RIMBP2: variants seen among roughly 807,000 people sequenced by gnomAD.
RIMBP2 encodes the protein RIMS binding protein 2, also known as RIMS-binding protein 2.
In RIMBP2, 48 loss-of-function variants were observed where a neutral mutation model predicts 118.6. That is an observed-to-expected ratio of 0.40 (90% CI 0.32 to 0.51). The LOEUF is 0.51. RIMBP2 is among the 20% of genes least tolerant of loss of function. RIMBP2 has a pLI of 0.41. For missense variants in RIMBP2, 1,551 were observed against 1,768.3 expected (o/e 0.88, Z 2.20); for synonymous variants, 762 against 742.9 (o/e 1.03, Z -0.42).
chr12:130,676,868 G>T (rs1356021380), intron 1 of RIMBP2, among the ~76,000 whole-genome samples: 2 of 152,168 alleles, frequency 1.3e-5, no homozygotes, highest in African/African-American at 4.8e-5. Context: ...AGGGTGAGGG[G>T]AGGGAAAGCC....
At position 130,579,555 on chromosome 12, in the gene RIMBP2, C is replaced by G. The variant is rs1241782463; in HGVS notation, c.-217+48767G>C. Reference sequence around the variant, plus strand: ...TTGCTGGTTTGCTTGAATACTTTTGCCAGAGTAAAACCCTCATAGCTGTGA... The same window carrying G: ...TTGCTGGTTTGCTTGAATACTTTTGGCAGAGTAAAACCCTCATAGCTGTGA... On this transcript the variant is annotated intron_variant, in intron 2 of 22. Coordinates refer to ENST00000690449, the MANE Select transcript of RIMBP2 (RefSeq NM_001393629.1). 2.0e-5 allele frequency among the ~76,000 whole-genome samples: 3 copies of G among 152,084 alleles called. No homozygotes were observed. In the East Asian group the frequency reaches 5.8e-4, roughly 29 times the overall value.
chr12:130,520,921 G>A (rs2052036411), intron 2 of RIMBP2, among the ~76,000 whole-genome samples: 1 of 152,162 alleles, frequency 6.6e-6, no homozygotes, highest in African/African-American at 2.4e-5. Context: ...ATCCCACGTT[G>A]TCCATGCTTA....
At chr12:130,464,322 G>A (rs540358317) in intron 6 of RIMBP2, among the ~76,000 whole-genome samples, 1 of 152,318 alleles carries the variant, frequency 6.6e-6, no homozygotes, top group African/African-American at 2.4e-5. Flanking sequence ...GGAAAATTTG[G>A]AAACAAATTG....
chr12:130,497,794 C>A (rs2049332409), intron 4 of RIMBP2, among the ~76,000 whole-genome samples: 1 of 152,130 alleles, frequency 6.6e-6, no homozygotes, highest in East Asian at 1.9e-4. Flanking sequence ...TGACAGGCAC[C>A]CTGCTTCAGA....
intron 1 of RIMBP2, among the ~76,000 whole-genome samples, chr12:130,699,105 T>C (rs562468636): frequency 0.01 from 1,580 of 152,244 alleles, 38 homozygotes; most frequent in African/African-American, 0.036. Flanking sequence ...TGTGGAGAAA[T>C]AGGAACACTT....
At chr12:130,705,695 G>C (rs1456614757) in intron 1 of RIMBP2, among the ~76,000 whole-genome samples, 2 of 152,236 alleles carry the variant, frequency 1.3e-5, no homozygotes, top group African/African-American at 4.8e-5. Context: ...GGTATGGCAG[G>C]AGTGAACTGC....
intron 2 of RIMBP2, among the ~76,000 whole-genome samples, chr12:130,547,670 G>C (rs1415742042): frequency 6.6e-6 from 1 of 152,178 alleles, no homozygotes; most frequent in African/African-American, 2.4e-5. Context: ...GCCCCGAAAT[G>C]GGGAAGATCA....
At chr12:130,602,890 G>C (rs546454288) in intron 2 of RIMBP2, among the ~76,000 whole-genome samples, 4 of 152,156 alleles carry the variant, frequency 2.6e-5, no homozygotes, top group Admixed American at 6.5e-5. Flanking sequence ...AATTCACCCT[G>C]CAAGGGGTCT....
At chr12:130,477,682 C>A (rs993878725) in intron 5 of RIMBP2, among the ~76,000 whole-genome samples, 2 of 152,250 alleles carry the variant, frequency 1.3e-5, no homozygotes, top group African/African-American at 4.8e-5. Flanking sequence ...CTACCTGTTT[C>A]CACAAGCTCT....
At chr12:130,400,050 A>G (rs1593158019) in intron 21 of RIMBP2, among the ~76,000 whole-genome samples, 2 of 152,258 alleles carry the variant, frequency 1.3e-5, no homozygotes, top group East Asian at 1.9e-4. Flanking sequence ...GAGCTGAGGA[A>G]TCTGCCTTTT....
At chr12:130,627,157 A>G (rs1486291416) in intron 2 of RIMBP2, among the ~76,000 whole-genome samples, 1 of 152,168 alleles carries the variant, frequency 6.6e-6, no homozygotes, top group African/African-American at 2.4e-5. Context: ...TACGGCTAGC[A>G]TCATCACCAT....
At chr12:130,519,026 C>T (rs1485206853) in intron 2 of RIMBP2, among the ~76,000 whole-genome samples, 54 of 152,244 alleles carry the variant, frequency 3.5e-4, no homozygotes, top group Non-Finnish European at 2.9e-5. Context: ...TGGAAGGCAG[C>T]TGGAACCACA....
At chr12:130,432,113 G>T in intron 14 of RIMBP2, 1 of 411,744 alleles carries the variant, frequency 2.4e-6, no homozygotes, top group Non-Finnish European at 4.8e-6. Flanking sequence ...GAGAACAAGT[G>T]CTCCAGCCTT....
At chr12:130,701,262 T>TA (rs2065841090) in intron 1 of RIMBP2, among the ~76,000 whole-genome samples, 1 of 152,122 alleles carries the variant, frequency 6.6e-6, no homozygotes, top group Admixed American at 6.5e-5. Context: ...TAAGCCCCCC[T>TA]AACACAGCGG....
Position 130,414,199 on chromosome 12 carries a change from C to G in RIMBP2, c.3346G>C (p.Asp1116His), listed in dbSNP as rs746048585. The G allele has an allele frequency of 6.2e-7, 1 of 1,614,030 alleles. No individual in the cohort carries two copies. Among genetic ancestry groups the G allele is most frequent in the Non-Finnish European group, 8.5e-7 (1 of 1,180,042 alleles). Residue 1116 changes from aspartate to histidine, a missense_variant, in exon 18 of 23, where the codon GAC becomes CAC. Around this residue, in one of 5 missense-constraint regions of RIMBP2, gnomAD observed 1,038 missense variants for 1,125.1 expected, o/e 0.92. Coordinates refer to ENST00000690449, the MANE Select transcript of RIMBP2 (RefSeq NM_001393629.1). ...GGGTTTGGGGACATGGTGAGCGGGT[C>G]GTAGTCAAAGAGAGCCACAAAGATC... is the stretch of plus-strand genomic sequence containing the variant. ...ARIFVALFDYDPLTMSPNPDA... is the reference protein window; with the variant it reads ...ARIFVALFDYHPLTMSPNPDA...
At chr12:130,423,638 A>G (rs954117139) in intron 16 of RIMBP2, among the ~76,000 whole-genome samples, 2 of 147,428 alleles carry the variant, frequency 1.4e-5, no homozygotes, top group African/African-American at 5.0e-5. Flanking sequence ...AAAAAACAAG[A>G]ACTTTGGAAA....
rs2076300288 is a variant in RIMBP2 at position 130,419,642 on chromosome 12, A to G, written c.3238+2811T>C. Reference sequence around the variant, plus strand: ...TTTTTATTTTTCCTCCCTGGACACAAAGAAAACACGCTGGACTTTCCTCAC... The same window carrying G: ...TTTTTATTTTTCCTCCCTGGACACAGAGAAAACACGCTGGACTTTCCTCAC... On this transcript the variant is annotated intron_variant, in intron 17 of 22. Coordinates refer to ENST00000690449, the MANE Select transcript of RIMBP2 (RefSeq NM_001393629.1). This position sits in a 1 kb window ranked among gnomAD's most constrained non-coding sequence, Gnocchi z 4.3. 6.6e-6 allele frequency: 1 copy of G among 152,226 alleles called. No homozygotes were observed. Among genetic ancestry groups the G allele is most frequent in the Admixed American group, 6.5e-5 (1 of 15,276 alleles). The allele number at this position is 152,226 out of a possible 1,614,324, so 9.4% of individuals were successfully genotyped here. A position where few individuals can be genotyped will look rare whatever the true frequency, so the allele number is the denominator to read the frequency against.
chr12:130,399,828 G>T lies in RIMBP2; in HGVS notation c.3766-15C>A, dbSNP rs768510032. ...TTCAGCTCCCCCTAAAACACCAGGG[G>T]TGAGGCAGAAGAACTATTTATTTTT... On this transcript the variant is annotated splice_polypyrimidine_tract_variant and intron_variant, in intron 21 of 22. Coordinates refer to ENST00000690449, the MANE Select transcript of RIMBP2 (RefSeq NM_001393629.1). The T allele has an allele frequency of 1.2e-6, 2 of 1,613,698 alleles. No homozygotes were observed. Among genetic ancestry groups the T allele is most frequent in the South Asian group, 1.1e-5 (1 of 91,062 alleles).
Position 130,621,402 on chromosome 12 carries a change from C to T in RIMBP2, c.-217+6920G>A, listed in dbSNP as rs1028284793. On this transcript the variant is annotated intron_variant, in intron 2 of 22. Coordinates refer to ENST00000690449, the MANE Select transcript of RIMBP2 (RefSeq NM_001393629.1). This position sits in a 1 kb window ranked among gnomAD's most constrained non-coding sequence, Gnocchi z 6.6. The stretch of plus-strand genomic sequence containing the variant: ...CTCTGATTAAAGACTGACGCCAACA[C>T]AGAGGAAAAGGATGGAGATTCCCAA... Among the ~76,000 whole-genome samples, 10 of 152,188 alleles carry T rather than the reference C, an allele frequency of 6.6e-5. No homozygotes were observed. The highest frequency in any genetic ancestry group is 6.5e-4 in the Admixed American group (10 of 15,282).
Sources: gnomAD v4.1 joint callset for allele counts (sites outside exome capture counted in the v4.1 genomes callset) on GRCh38, gnomAD v4.1.1 for gene constraint, gnomAD v4.1.1 regional missense constraint, Gnocchi (gnomAD v3.1) non-coding constraint, MANE v1.5 for transcripts, NCBI Gene and HGNC (gene_info 2026-07-23, HGNC 2026-07-21) for gene names.